The following LRRC4C variants were observed in gnomAD, a reference collection of about 807,000 sequenced individuals.
The protein encoded by LRRC4C is leucine rich repeat containing 4C, also known as leucine-rich repeat-containing protein 4C.
In LRRC4C, 5 loss-of-function variants were observed where a neutral mutation model predicts 33.6. That is an observed-to-expected ratio of 0.15 (90% CI 0.08 to 0.31). The LOEUF (loss-of-function observed/expected upper bound fraction) is 0.31. LRRC4C is among the 10% of genes least tolerant of loss of function. The probability of loss-of-function intolerance (pLI) is 1.00; values close to 1 mark genes in which losing one functional copy is unlikely to be tolerated. For missense variants in LRRC4C, 560 were observed against 796.7 expected (o/e 0.70, Z 3.58); for synonymous variants, 329 against 302.0 (o/e 1.09, Z -0.93).
chr11:40,275,921 C>T (rs930196051), intron 4 of LRRC4C, among the ~76,000 whole-genome samples: 6 of 152,098 alleles, frequency 3.9e-5, no homozygotes, highest in Admixed American at 1.3e-4. Flanking sequence ...GAGAGCCTTC[C>T]GGCTAAAAGC....
At chr11:40,683,449 T>C (rs564406864) in intron 2 of LRRC4C, among the ~76,000 whole-genome samples, 1 of 152,296 alleles carries the variant, frequency 6.6e-6, no homozygotes, top group Non-Finnish European at 1.5e-5. Context: ...CATGGCAAAA[T>C]TGTTGACAAA....
intron 4 of LRRC4C, among the ~76,000 whole-genome samples, chr11:40,256,233 T>C (rs532813606): frequency 4.6e-5 from 7 of 152,282 alleles, no homozygotes; most frequent in African/African-American, 1.7e-4. Context: ...GGAAAGATCC[T>C]AGCTTGGGAA....
chr11:40,737,969 T>A (rs1168420994), intron 2 of LRRC4C, among the ~76,000 whole-genome samples: 7 of 152,116 alleles, frequency 4.6e-5, no homozygotes, highest in Non-Finnish European at 1.0e-4. Context: ...GACTTCAAAC[T>A]ATATTGCAAG....
At chr11:40,273,137 T>C (rs1942832516) in intron 4 of LRRC4C, among the ~76,000 whole-genome samples, 1 of 152,202 alleles carries the variant, frequency 6.6e-6, no homozygotes, top group East Asian at 1.9e-4. Flanking sequence ...TCATTTATTT[T>C]CTTTCAATAT....
At chr11:40,901,999 T>TACACACACACACAC (rs369525560) in intron 2 of LRRC4C, among the ~76,000 whole-genome samples, 2 of 139,842 alleles carry the variant, frequency 1.4e-5, no homozygotes, top group South Asian at 4.7e-4. Flanking sequence ...TCTCTCTCTC[T>TACACACACACACAC]ACACACACAC....
intron 3 of LRRC4C, among the ~76,000 whole-genome samples, chr11:40,599,532 C>A (rs139160071): frequency 6.6e-6 from 1 of 152,018 alleles, no homozygotes; most frequent in African/African-American, 2.4e-5. Context: ...CATTTTTTGA[C>A]CATGTTTTTG....
chr11:41,223,373 T>C (rs1947391481), intron 1 of LRRC4C, among the ~76,000 whole-genome samples: 2 of 152,186 alleles, frequency 1.3e-5, no homozygotes, highest in African/African-American at 4.8e-5. Flanking sequence ...TTGCACCTTC[T>C]TGAAAATAAG....
At chr11:40,969,717 A>G (rs1372882162) in intron 1 of LRRC4C, among the ~76,000 whole-genome samples, 2 of 152,202 alleles carry the variant, frequency 1.3e-5, no homozygotes, top group African/African-American at 4.8e-5. Flanking sequence ...GACAATGCAC[A>G]TTTAATAGAC....
chr11:40,784,778 G>T (rs1316892868), intron 2 of LRRC4C, among the ~76,000 whole-genome samples: 1 of 152,110 alleles, frequency 6.6e-6, no homozygotes, highest in Non-Finnish European at 1.5e-5. Flanking sequence ...AAATTGCGCT[G>T]ATCTTTAGTC....
intron 5 of LRRC4C, among the ~76,000 whole-genome samples, chr11:40,232,393 A>C (rs1053974853): frequency 6.6e-6 from 1 of 152,156 alleles, no homozygotes; most frequent in Non-Finnish European, 1.5e-5. Flanking sequence ...CCTCTGTAAG[A>C]CAAGACAAAG....
At chr11:41,027,935 T>C (rs931840548) in intron 1 of LRRC4C, among the ~76,000 whole-genome samples, 2 of 151,680 alleles carry the variant, frequency 1.3e-5, no homozygotes, top group African/African-American at 2.4e-5. Flanking sequence ...AAAATTAAAG[T>C]ATTAATTAAA....
chr11:40,683,289 T>A (rs1944792448), intron 2 of LRRC4C, among the ~76,000 whole-genome samples: 1 of 152,006 alleles, frequency 6.6e-6, no homozygotes, highest in South Asian at 2.1e-4. Context: ...GCACCACTCA[T>A]ACCCACATGA....
chr11:41,044,249 C>T (rs192777248), intron 1 of LRRC4C, among the ~76,000 whole-genome samples: 133 of 152,138 alleles, frequency 8.7e-4, no homozygotes, highest in Admixed American at 2.1e-3. Context: ...AACTTCGAAC[C>T]GTGTCACAGT....
chr11:40,865,232 T>C (rs1357649386), intron 2 of LRRC4C, among the ~76,000 whole-genome samples: 1 of 152,118 alleles, frequency 6.6e-6, no homozygotes. Context: ...CTAAAAAAGT[T>C]CATCTCACAG....
intron 1 of LRRC4C, among the ~76,000 whole-genome samples, chr11:41,395,161 A>AAAT (rs1363268611): frequency 6.6e-6 from 1 of 151,954 alleles, no homozygotes; most frequent in African/African-American, 2.4e-5. Context: ...AAAACAGTTA[A>AAAT]CGGAATGTCT....
At chr11:41,198,184 T>A (rs138385336) in intron 1 of LRRC4C, among the ~76,000 whole-genome samples, 1 of 152,036 alleles carries the variant, frequency 6.6e-6, no homozygotes, top group East Asian at 1.9e-4. Flanking sequence ...ATTAAAACCA[T>A]ACTATTATTC....
chr11:40,852,198 T>C (rs1953542656), intron 2 of LRRC4C, among the ~76,000 whole-genome samples: 1 of 151,952 alleles, frequency 6.6e-6, no homozygotes. Flanking sequence ...TTCTAAATGG[T>C]ATTTAAGTAT....
intron 3 of LRRC4C, among the ~76,000 whole-genome samples, chr11:40,617,859 G>C (rs764747584): frequency 1.3e-5 from 2 of 151,588 alleles, no homozygotes; most frequent in Admixed American, 6.6e-5. Flanking sequence ...TGTTAGTGTT[G>C]ACCTACCTGG....
At chr11:40,358,982 C>A (rs1947817645) in intron 3 of LRRC4C, among the ~76,000 whole-genome samples, 2 of 152,060 alleles carry the variant, frequency 1.3e-5, no homozygotes, top group Admixed American at 6.6e-5. Context: ...GTTTACTTGA[C>A]TATGCTAATG....
Sources: gnomAD v4.1 joint callset for allele counts (sites outside exome capture counted in the v4.1 genomes callset) on GRCh38, gnomAD v4.1.1 for gene constraint, MANE v1.5 for transcripts, NCBI Gene and HGNC (gene_info 2026-07-23, HGNC 2026-07-21) for gene names.